Variants in PALM2AKAP2 observed in about 807,000 individuals in gnomAD.
PALM2AKAP2 encodes PALM2-AKAP2 fusion protein.
In PALM2AKAP2, 37 loss-of-function variants were observed where a neutral mutation model predicts 71.5. The ratio of observed to expected loss-of-function variants is 0.52; its 90% CI spans 0.40 to 0.68. The LOEUF (loss-of-function observed/expected upper bound fraction) is 0.68. Among genes scored for constraint, PALM2AKAP2 ranks in the 30% least tolerant of loss-of-function variants. The pLI is 0.00. For synonymous variants in PALM2AKAP2, 468 were observed against 478.8 expected (o/e 0.98, Z 0.29); for missense variants, 1,224 against 1,191.8 (o/e 1.03, Z -0.40).
At chr9:109,783,480 G>A (rs1365812406) in intron 1 of PALM2AKAP2, among the ~76,000 whole-genome samples, 2 of 151,914 alleles carry the variant, frequency 1.3e-5, no homozygotes, top group Admixed American at 1.3e-4. Flanking sequence ...TAAATTTTTT[G>A]TAGAGATGGG....
chr9:109,890,197 G>A (rs1286775122), intron 3 of PALM2AKAP2, among the ~76,000 whole-genome samples: 1 of 152,222 alleles, frequency 6.6e-6, no homozygotes, highest in African/African-American at 2.4e-5. Flanking sequence ...GTCCTTTCCA[G>A]CGATTCTCCA....
chr9:110,138,084 G>A, exon 2 of PALM2AKAP2: 4 of 1,612,070 alleles, frequency 2.5e-6, no homozygotes, highest in Non-Finnish European at 3.4e-6. Context: ...GCGGCTTTCG[G>A]CTCAGAAAAG....
intron 1 of PALM2AKAP2, chr9:109,640,968 G>A (rs1002293215): frequency 7.1e-6 from 10 of 1,404,380 alleles, no homozygotes; most frequent in African/African-American, 6.0e-5. Flanking sequence ...GTCCAGGATG[G>A]GTGTTTAATT....
At chr9:110,159,456 G>A (rs938304531) in intron 3 of PALM2AKAP2, among the ~76,000 whole-genome samples, 1 of 152,162 alleles carries the variant, frequency 6.6e-6, no homozygotes, top group East Asian at 1.9e-4. Flanking sequence ...TGCCTGTCGC[G>A]TGATTAGAAC....
At chr9:109,707,447 G>A (rs750322562) in intron 1 of PALM2AKAP2, among the ~76,000 whole-genome samples, 1 of 152,140 alleles carries the variant, frequency 6.6e-6, no homozygotes, top group Non-Finnish European at 1.5e-5. Context: ...AGGACAGTGG[G>A]AAATCCATTC....
chr9:109,943,254 A>G, intron 6 of PALM2AKAP2: 1 of 1,614,260 alleles, frequency 6.2e-7, no homozygotes, highest in Non-Finnish European at 8.5e-7. Context: ...GGGAGAAGAC[A>G]GTGACGGACG....
rs557657934 is a variant in PALM2AKAP2 at position 109,896,371 on chromosome 9, T to A, written c.257+15690T>A. 4.0e-5 allele frequency among the ~76,000 whole-genome samples: 6 copies of A among 151,784 alleles called. No individual in the cohort carries two copies. In the South Asian group the frequency reaches 1.3e-3, roughly 32 times the overall value. ...TGGATGGGGACACAACGAAACCATATCAAATATTAATAGAGTCTGGCAGGG... is the reference window on the plus strand; with the variant it reads ...TGGATGGGGACACAACGAAACCATAACAAATATTAATAGAGTCTGGCAGGG... On this transcript the variant is annotated intron_variant, in intron 3 of 9. Coordinates refer to the PALM2AKAP2 transcript ENST00000302798.
intron 1 of PALM2AKAP2, among the ~76,000 whole-genome samples, chr9:109,662,363 G>T (rs1484210162): frequency 2.0e-5 from 3 of 152,168 alleles, no homozygotes; most frequent in African/African-American, 7.2e-5. Flanking sequence ...TTTTTTGAGA[G>T]TTTTTAGCCT....
At chr9:110,076,927 A>G (rs764274126) in intron 1 of PALM2AKAP2, among the ~76,000 whole-genome samples, 1 of 152,208 alleles carries the variant, frequency 6.6e-6, no homozygotes, top group African/African-American at 2.4e-5. Flanking sequence ...TGGGCAATTC[A>G]TAACCTGTAG....
chr9:110,115,668 G>T (rs1835346178), intron 1 of PALM2AKAP2, among the ~76,000 whole-genome samples: 1 of 152,218 alleles, frequency 6.6e-6, no homozygotes. Flanking sequence ...ATGAGGCTTT[G>T]TGCTTTTGAA....
At chr9:109,932,068 G>A in intron 6 of PALM2AKAP2, 40 bp downstream of exon 6, 4 of 1,563,272 alleles carry the variant, frequency 2.6e-6, no homozygotes, top group Non-Finnish European at 3.5e-6. Context: ...ATGGTCCAAG[G>A]GGCTTGCATT....
chr9:110,120,525 CAG>C lies in PALM2AKAP2; in HGVS notation c.157-15599_157-15598del, dbSNP rs375199061. ...GAAAGCCTGCCCTTTGTTTTTGAGA[CAG>C]AGTCTTGCTCTGTTGCCCAGGCTGG... On this transcript the variant is annotated intron_variant, in intron 1 of 3. Coordinates refer to ENST00000374525, the Ensembl canonical transcript of PALM2AKAP2. Among the ~76,000 whole-genome samples the C allele has an allele frequency of 2.4e-4, 36 of 152,314 alleles. No individual in the cohort carries two copies. In the East Asian group the frequency reaches 5.0e-3, roughly 21 times the overall value.
intron 1 of PALM2AKAP2, among the ~76,000 whole-genome samples, chr9:109,646,263 T>C (rs10816846): frequency 0.12 from 17,826 of 152,196 alleles, 1,375 homozygotes; most frequent in Non-Finnish European, 0.16. Context: ...CATGTGTTTG[T>C]AGGAATGCAC....
chr9:110,030,765 T>G (rs1352848842), intron 7 of PALM2AKAP2, among the ~76,000 whole-genome samples: 3 of 152,164 alleles, frequency 2.0e-5, no homozygotes, highest in Non-Finnish European at 4.4e-5. Context: ...AAAAATACAC[T>G]TGGTAAAAAT....
chr9:110,125,931 G>A (rs1490240068), intron 1 of PALM2AKAP2, among the ~76,000 whole-genome samples: 2 of 152,162 alleles, frequency 1.3e-5, no homozygotes, highest in Non-Finnish European at 2.9e-5. Context: ...GTGAGAATCT[G>A]TGTGCCCTTT....
At chr9:109,780,372 C>T, upstream of PALM2AKAP2, 1 of 1,596,240 alleles carries the variant, frequency 6.3e-7, no homozygotes, top group South Asian at 1.1e-5. Context: ...CCCAGCCGTC[C>T]CTGGGCGTTC....
At chr9:109,873,657 T>A (rs1829656830) in intron 2 of PALM2AKAP2, among the ~76,000 whole-genome samples, 2 of 152,172 alleles carry the variant, frequency 1.3e-5, no homozygotes, top group Non-Finnish European at 2.9e-5. Flanking sequence ...GGAAGTCTTA[T>A]CTATGTATGA....
chr9:110,003,744 T>C (rs1332155764), intron 6 of PALM2AKAP2, among the ~76,000 whole-genome samples: 2 of 152,246 alleles, frequency 1.3e-5, no homozygotes, highest in Non-Finnish European at 2.9e-5. Context: ...TTAGGATAGT[T>C]AGCTCTTCTT....
chr9:109,959,045 A>AC (rs1325140840), intron 6 of PALM2AKAP2, among the ~76,000 whole-genome samples: 9 of 151,466 alleles, frequency 5.9e-5, no homozygotes, highest in Non-Finnish European at 1.0e-4. Flanking sequence ...GACTTGGCAA[A>AC]CCCCCCCACC....
Sources: allele counts gnomAD v4.1 joint callset (sites outside exome capture counted in the v4.1 genomes callset), GRCh38; gene constraint gnomAD v4.1.1; transcripts MANE v1.5; gene names NCBI Gene and HGNC (gene_info 2026-07-23, HGNC 2026-07-21).